Variants in USO1 observed in about 807,000 individuals in gnomAD.
USO1 encodes USO1 vesicle transport factor.
A neutral mutation model predicts 124.5 loss-of-function variants in USO1; 57 were observed. The ratio of observed to expected loss-of-function variants is 0.46; its 90% CI spans 0.37 to 0.57. The LOEUF is 0.57. USO1 is among the 20% of genes least tolerant of loss of function. The pLI is 0.00. For missense variants in USO1, 900 were observed against 1,040.6 expected, an observed-to-expected ratio of 0.86 and a Z score of 1.86; for synonymous variants, 369 against 362.8, an observed-to-expected ratio of 1.02 and a Z score of -0.19.
chr4:75,739,538 CTTTTTTTT>C (rs753369609), intron 1 of USO1, among the ~76,000 whole-genome samples: 1 of 105,420 alleles, frequency 9.5e-6, no homozygotes, highest in African/African-American at 3.5e-5. Flanking sequence ...TTATCTTTTT[CTTTTTTTT>C]TTTTTTTTTT....
intron 1 of USO1, among the ~76,000 whole-genome samples, chr4:75,725,228 G>C (rs1193318649): frequency 6.6e-6 from 1 of 152,202 alleles, no homozygotes; most frequent in Non-Finnish European, 1.5e-5. Flanking sequence ...GCCCCTCGGG[G>C]CCGTGGGCCC....
At chr4:75,767,485 C>T (rs771706621) in intron 4 of USO1, 23 of 439,440 alleles carry the variant, frequency 5.2e-5, no homozygotes, top group South Asian at 3.7e-4. Flanking sequence ...TGGCTCACGC[C>T]TGTAATCCCA....
intron 1 of USO1, among the ~76,000 whole-genome samples, chr4:75,730,650 C>T (rs1720605186): frequency 6.6e-6 from 1 of 151,838 alleles, no homozygotes; most frequent in African/African-American, 2.4e-5. Context: ...AATACTGTTC[C>T]TCTTTCTTTT....
chr4:75,811,530 G>GC (rs1423349817), intron 22 of USO1, among the ~76,000 whole-genome samples: 4 of 152,124 alleles, frequency 2.6e-5, no homozygotes, highest in Non-Finnish European at 5.9e-5. Context: ...TAATACACAA[G>GC]CCACATGTAG....
intron 4 of USO1, among the ~76,000 whole-genome samples, chr4:75,762,955 A>G (rs10028884): frequency 0.9 from 137,618 of 152,286 alleles, 62,349 homozygotes; most frequent in African/African-American, 0.98. Context: ...AAAAGTATAC[A>G]TGTACCTGTT....
chr4:75,797,077 G>A (rs546546800), intron 13 of USO1, among the ~76,000 whole-genome samples: 36 of 152,042 alleles, frequency 2.4e-4, no homozygotes, highest in Non-Finnish European at 4.3e-4. Context: ...TGGAAGCTGA[G>A]GTGGGGGCAT....
intron 1 of USO1, among the ~76,000 whole-genome samples, chr4:75,729,458 G>T (rs545284801): frequency 6.6e-6 from 1 of 152,180 alleles, no homozygotes; most frequent in East Asian, 1.9e-4. Flanking sequence ...TCCTGGCTCA[G>T]TCTCCCGAGC....
chr4:75,793,607 A>G (rs1272867291), intron 12 of USO1, 83 bp from the exon 13 acceptor site: 2 of 1,485,290 alleles, frequency 1.3e-6, no homozygotes, highest in Non-Finnish European at 1.8e-6. Context: ...ACACTATTTT[A>G]TGTGTACAGA....
chr4:75,729,133 T>G (rs1165185435), intron 1 of USO1, among the ~76,000 whole-genome samples: 4 of 152,140 alleles, frequency 2.6e-5, no homozygotes, highest in Admixed American at 1.3e-4. Context: ...TTCTCTTTTT[T>G]ACTTGACACT....
intron 1 of USO1, among the ~76,000 whole-genome samples, chr4:75,731,773 A>ATGAT (rs1449731383): frequency 6.6e-6 from 1 of 152,150 alleles, no homozygotes; most frequent in African/African-American, 2.4e-5. Flanking sequence ...TGTTGGATAA[A>ATGAT]TGATTGATTG....
At chr4:75,776,624 C>T (rs1722078405) in intron 8 of USO1, among the ~76,000 whole-genome samples, 1 of 152,168 alleles carries the variant, frequency 6.6e-6, no homozygotes, top group Non-Finnish European at 1.5e-5. Flanking sequence ...CACTAAGGTG[C>T]ATGCTGGAAA....
intron 13 of USO1, among the ~76,000 whole-genome samples, chr4:75,795,534 G>A (rs1488588282): frequency 1.3e-5 from 2 of 151,924 alleles, no homozygotes; most frequent in Non-Finnish European, 2.9e-5. Context: ...TTTCTCCATG[G>A]GATATTGTAT....
chr4:75,749,968 T>C (rs1721258063), intron 1 of USO1, among the ~76,000 whole-genome samples: 1 of 152,136 alleles, frequency 6.6e-6, no homozygotes. Flanking sequence ...TTAGCCAGCA[T>C]GGTCTCGATC....
intron 20 of USO1, among the ~76,000 whole-genome samples, chr4:75,807,571 A>G (rs1480072608): frequency 2.0e-5 from 3 of 151,846 alleles, no homozygotes; most frequent in Non-Finnish European, 4.4e-5. Context: ...TAAATATCTG[A>G]CCTCTTTTTA....
chr4:75,794,127 T>C (rs1722609952), intron 13 of USO1, among the ~76,000 whole-genome samples: 1 of 152,204 alleles, frequency 6.6e-6, no homozygotes, highest in Admixed American at 6.5e-5. Context: ...AAATACATGT[T>C]CTGGGCAGAA....
At chr4:75,812,780 A>G (rs1343080173) in intron 23 of USO1, among the ~76,000 whole-genome samples, 1 of 152,202 alleles carries the variant, frequency 6.6e-6, no homozygotes, top group Non-Finnish European at 1.5e-5. Context: ...CATCAAATCA[A>G]AGAAATCAGA....
intron 13 of USO1, among the ~76,000 whole-genome samples, chr4:75,796,523 A>G (rs1722686200): frequency 6.6e-6 from 1 of 151,502 alleles, no homozygotes; most frequent in African/African-American, 2.4e-5. Context: ...TTTAGTAGAG[A>G]CAGGGTTTCA....
rs771000875 is a variant in USO1 at position 75,801,123 on chromosome 4, AAAG to A, written c.1917_1919del (p.Glu640del). 9 of 1,605,532 alleles carry A rather than the reference AAAG, an allele frequency of 5.6e-6. No homozygotes were observed. The highest frequency in any genetic ancestry group is 4.5e-5 in the East Asian group (2 of 44,564). On this transcript the variant is annotated inframe_deletion, in exon 17 of 24. Transcript: ENST00000514213. ...TTATAAGTCCAGTGAAGAAGATAAA[AAAG>A]AAGAAGAGGTGAAAAAAACATTAGA... is the stretch of plus-strand genomic sequence containing the variant.
chr4:75,726,673 C>T (rs1720472625), intron 1 of USO1, among the ~76,000 whole-genome samples: 1 of 152,156 alleles, frequency 6.6e-6, no homozygotes, highest in Non-Finnish European at 1.5e-5. Context: ...TTCTGTCTCT[C>T]ACTGTAACAC....
Sources: gnomAD v4.1 joint callset for allele counts (sites outside exome capture counted in the v4.1 genomes callset) on GRCh38, gnomAD v4.1.1 for gene constraint, MANE v1.5 for transcripts, NCBI Gene and HGNC (gene_info 2026-07-23, HGNC 2026-07-21) for gene names.